CNTNAP4: variants seen among roughly 807,000 people sequenced by gnomAD.
CNTNAP4 encodes the protein contactin associated protein family member 4.
A neutral mutation model predicts 148.4 loss-of-function variants in CNTNAP4; 98 were observed. The ratio of observed to expected loss-of-function variants is 0.66; its 90% CI spans 0.56 to 0.78. The LOEUF (loss-of-function observed/expected upper bound fraction) is 0.78, where lower values mean the gene tolerates loss of function less well. CNTNAP4 is among the 30% of genes least tolerant of loss of function. The pLI is 0.00. For missense variants in CNTNAP4, 1,935 were observed against 1,565.6 expected (o/e 1.24, Z -3.98); for synonymous variants, 730 against 565.1 (o/e 1.29, Z -4.14).
intron 15 of CNTNAP4, among the ~76,000 whole-genome samples, chr16:76,518,900 T>C (rs2083353404): frequency 6.6e-6 from 1 of 152,132 alleles, no homozygotes; most frequent in African/African-American, 2.4e-5. Flanking sequence ...TCCCCCTCCA[T>C]GAGATTAGGG....
chr16:76,295,243 T>C (rs758709753), intron 1 of CNTNAP4, among the ~76,000 whole-genome samples: 4 of 152,124 alleles, frequency 2.6e-5, no homozygotes, highest in Non-Finnish European at 5.9e-5. Flanking sequence ...CACATGCCCA[T>C]CATAGCGAGG....
chr16:76,364,723 C>T (rs1486474820), intron 3 of CNTNAP4, among the ~76,000 whole-genome samples: 1 of 152,116 alleles, frequency 6.6e-6, no homozygotes, highest in African/African-American at 2.4e-5. Flanking sequence ...ACTAATACTT[C>T]CCATTCACTT....
chr16:76,510,906 GT>G (rs2082999016), intron 15 of CNTNAP4, among the ~76,000 whole-genome samples: 1 of 151,924 alleles, frequency 6.6e-6, no homozygotes, highest in Non-Finnish European at 1.5e-5. Context: ...GGCCATACTG[GT>G]TTTTTTCACC....
At chr16:76,548,230 G>A (rs994083025) in intron 21 of CNTNAP4, among the ~76,000 whole-genome samples, 1 of 150,458 alleles carries the variant, frequency 6.6e-6, no homozygotes, top group African/African-American at 2.4e-5. Context: ...GTCCCTGGTG[G>A]AATTGCATAA....
chr16:76,298,727 T>G (rs1959604383), intron 1 of CNTNAP4, among the ~76,000 whole-genome samples: 1 of 152,172 alleles, frequency 6.6e-6, no homozygotes, highest in Non-Finnish European at 1.5e-5. Context: ...CCAACTGGAC[T>G]GCTGATCCTC....
At position 76,406,349 on chromosome 16, in the gene CNTNAP4, A is replaced by ATC. The variant is rs1283392045; in HGVS notation, c.391-21090_391-21089dup. ...TCCTCCACCAACTGGCTGTTCCCGCATCTCTCTCTCTCTCCTTGGACCTCC... is the reference window on the plus strand; with the variant it reads ...TCCTCCACCAACTGGCTGTTCCCGCATCTCTCTCTCTCTCTCCTTGGACCTCC... On this transcript the variant is annotated intron_variant, in intron 3 of 23. Transcript: ENST00000611870. Among the ~76,000 whole-genome samples, 3 of 151,928 alleles carry ATC rather than the reference A, an allele frequency of 2.0e-5. No individual in the cohort carries two copies. The East Asian group carries it at 5.8e-4, about 29-fold the overall frequency.
At chr16:76,368,157 T>G (rs1452135560) in intron 3 of CNTNAP4, among the ~76,000 whole-genome samples, 1 of 152,200 alleles carries the variant, frequency 6.6e-6, no homozygotes, top group African/African-American at 2.4e-5. Context: ...TCATCTTAGA[T>G]TCTCCTGCAC....
At chr16:76,385,538 T>G (rs556752828) in intron 3 of CNTNAP4, among the ~76,000 whole-genome samples, 2 of 137,642 alleles carry the variant, frequency 1.5e-5, no homozygotes, top group Admixed American at 7.9e-5. Flanking sequence ...AATTAACACT[T>G]TAATTAGAAG....
chr16:76,342,485 T>G (rs1964552668), intron 2 of CNTNAP4, among the ~76,000 whole-genome samples: 1 of 142,812 alleles, frequency 7.0e-6, no homozygotes, highest in Admixed American at 6.9e-5. Context: ...TTTTTTTTTT[T>G]TTTTTGAGAT....
intron 8 of CNTNAP4, among the ~76,000 whole-genome samples, chr16:76,455,652 T>C (rs1280505273): frequency 3.9e-5 from 6 of 152,222 alleles, no homozygotes. Context: ...GGTTAGTGAC[T>C]ACGGTTAGTG....
chr16:76,445,045 C>G (rs551126409), intron 4 of CNTNAP4, among the ~76,000 whole-genome samples: 1 of 152,244 alleles, frequency 6.6e-6, no homozygotes, highest in Non-Finnish European at 1.5e-5. Context: ...ATCCTCAGAG[C>G]TCTCTCTTAT....
chr16:76,403,807 A>C (rs12325421), intron 3 of CNTNAP4, among the ~76,000 whole-genome samples: 67,807 of 152,030 alleles, frequency 0.45, 15,407 homozygotes, highest in African/African-American at 0.53. Context: ...AAATGCCCAT[A>C]AGTGACAGAC....
At chr16:76,349,597 G>T (rs1965205795) in intron 2 of CNTNAP4, among the ~76,000 whole-genome samples, 1 of 152,070 alleles carries the variant, frequency 6.6e-6, no homozygotes, top group Admixed American at 6.6e-5. Flanking sequence ...AGATGAAAAT[G>T]ATCTGGGCAA....
chr16:76,558,714 A>C lies in CNTNAP4; in HGVS notation c.*31A>C. ...AGCTATGATTTAACATAAAATTATG[A>C]TAGTTTGTTTTAATAGCCAGGGGTT... On this transcript the variant is annotated 3_prime_UTR_variant, in exon 24 of 24. Transcript: ENST00000611870. 3 of 1,534,176 alleles carry C rather than the reference A, an allele frequency of 2.0e-6. No homozygotes were observed. The highest frequency in any genetic ancestry group is 2.7e-6 in the Non-Finnish European group (3 of 1,123,976).
At chr16:76,489,655 C>T (rs1320564059) in intron 12 of CNTNAP4, 31 bp from the exon 13 acceptor site, 2 of 1,320,892 alleles carry the variant, frequency 1.5e-6, no homozygotes, top group Admixed American at 2.3e-5. Context: ...TGATGGTCTC[C>T]TCTCTTTCTC....
intron 3 of CNTNAP4, among the ~76,000 whole-genome samples, chr16:76,392,542 GA>G (rs1467589541): frequency 6.6e-6 from 1 of 152,036 alleles, no homozygotes; most frequent in Non-Finnish European, 1.5e-5. Context: ...TACTCTGAAT[GA>G]TTGGAACACG....
chr16:76,326,694 A>G (rs566371675), intron 2 of CNTNAP4, among the ~76,000 whole-genome samples: 1 of 152,002 alleles, frequency 6.6e-6, no homozygotes, highest in South Asian at 2.1e-4. Flanking sequence ...AAACTATCAC[A>G]AGGACAAAAA....
intron 3 of CNTNAP4, among the ~76,000 whole-genome samples, chr16:76,385,217 A>T (rs9319497): frequency 1.3e-5 from 2 of 151,972 alleles, no homozygotes; most frequent in Non-Finnish European, 2.9e-5. Flanking sequence ...GAGCTATGTG[A>T]TAAGTACAGC....
chr16:76,553,963 G>T, intron 23 of CNTNAP4, 56 bp downstream of exon 23: 1 of 1,104,558 alleles, frequency 9.1e-7, no homozygotes, highest in East Asian at 2.4e-5. Context: ...TAATGATGAT[G>T]AATATTTAGC....
Sources: gnomAD v4.1 joint callset for allele counts (sites outside exome capture counted in the v4.1 genomes callset) on GRCh38, gnomAD v4.1.1 for gene constraint, MANE v1.5 for transcripts, NCBI Gene and HGNC (gene_info 2026-07-23, HGNC 2026-07-21) for gene names.